DYRK3: variants seen among roughly 807,000 people sequenced by gnomAD.
DYRK3 encodes dual specificity tyrosine-phosphorylation-regulated kinase 3.
DYRK3 carries 30 observed loss-of-function variants against 40.8 expected under a neutral mutation model. The ratio of observed to expected loss-of-function variants is 0.74; its 90% CI spans 0.55 to 1.00. The LOEUF (loss-of-function observed/expected upper bound fraction) is 1.00. Among genes scored for constraint, DYRK3 ranks in the 50% least tolerant of loss-of-function variants. The pLI is 0.00. For missense variants in DYRK3, 699 were observed against 731.5 expected (o/e 0.96, Z 0.51); for synonymous variants, 272 against 260.7 (o/e 1.04, Z -0.42).
Position 206,650,166 on chromosome 1 carries a change from G to A in DYRK3, c.*1201G>A, listed in dbSNP as rs1451746914. On this transcript the variant is annotated 3_prime_UTR_variant, in exon 3 of 3. Coordinates refer to ENST00000367109, the MANE Select transcript of DYRK3 (RefSeq NM_003582.4). ...GTGTCCTACTTACAAGGGTGGAGAC[G>A]GGACAGAAGCTAACTCACTGCTACT... Among the ~76,000 whole-genome samples the A allele has an allele frequency of 2.0e-5, 3 of 152,206 alleles. No homozygotes were observed. The highest frequency in any genetic ancestry group is 2.1e-4 in the South Asian group (1 of 4,832).
chr1:206,652,637 G>A lies in DYRK3; in HGVS notation c.*3672G>A, dbSNP rs1201944510. Among the ~76,000 whole-genome samples the A allele has an allele frequency of 1.4e-4, 22 of 152,148 alleles. No individual in the cohort carries two copies. Among genetic ancestry groups the A allele is most frequent in the Admixed American group, 1.4e-3 (22 of 15,266 alleles). On this transcript the variant is annotated 3_prime_UTR_variant, in exon 3 of 3. Coordinates refer to ENST00000367109, the MANE Select transcript of DYRK3 (RefSeq NM_003582.4). ...GGCCAATTCAAGTTTGAGGAGAGTG[G>A]GCTGCTTAAAAACATGGTGCTCGTC...
chr1:206,638,133 GT>G (rs1165554221), intron 2 of DYRK3, among the ~76,000 whole-genome samples: 2 of 151,904 alleles, frequency 1.3e-5, no homozygotes, highest in Non-Finnish European at 2.9e-5. Context: ...ATCTGCAGGA[GT>G]TTTTTTTCCC....
In DYRK3 at chr1:206,655,125, T is replaced by C. The variant is rs781932265; in HGVS notation, c.*6160T>C. On this transcript the variant is annotated 3_prime_UTR_variant, in exon 3 of 3. Transcript: ENST00000367109. Reference sequence around the variant, plus strand: ...GTCAGTGGTTTTTTATTTTGGGGTGTTTTTTAAAAAATAAAAATGAATTGC... The same window carrying C: ...GTCAGTGGTTTTTTATTTTGGGGTGCTTTTTAAAAAATAAAAATGAATTGC... 5.9e-5 allele frequency among the ~76,000 whole-genome samples: 9 copies of C among 152,176 alleles called. No homozygotes were observed. The highest frequency in any genetic ancestry group is 1.3e-4 in the Admixed American group (2 of 15,276).
Position 206,652,561 on chromosome 1 carries a change from A to C in DYRK3, c.*3596A>C, listed in dbSNP as rs781817690. Among the ~76,000 whole-genome samples the C allele has an allele frequency of 3.3e-5, 5 of 152,238 alleles. No homozygotes were observed. The highest frequency in any genetic ancestry group is 7.3e-5 in the Non-Finnish European group (5 of 68,046). ...TGTTTCTGCCTCAATTTGGCAACCG[A>C]GAGAGTGATGCAGAGCAGAGTCATT... On this transcript the variant is annotated 3_prime_UTR_variant, in exon 3 of 3. Coordinates refer to ENST00000367109, the MANE Select transcript of DYRK3 (RefSeq NM_003582.4).
Position 206,652,253 on chromosome 1 carries a change from T to C in DYRK3, c.*3288T>C, listed in dbSNP as rs886128945. On this transcript the variant is annotated 3_prime_UTR_variant, in exon 3 of 3. Coordinates refer to ENST00000367109, the MANE Select transcript of DYRK3 (RefSeq NM_003582.4). ...GTTGAGGTTGTTTTGCCAGTTGTTA[T>C]CAGTGTTGAAGAACTGCTCCTGTAA... 1.3e-5 allele frequency among the ~76,000 whole-genome samples: 2 copies of C among 152,220 alleles called. No individual in the cohort carries two copies. The highest frequency in any genetic ancestry group is 1.9e-4 in the East Asian group (1 of 5,204).
In DYRK3 at chr1:206,647,399, G is replaced by A. The variant is rs1671485097; in HGVS notation, c.201G>A (p.Glu67=). The change falls in exon 3 of 3, where the codon GAG becomes GAA. Residue 67 remains glutamate (E), a synonymous_variant. Transcript: ENST00000367109. ...TTTCTCTTTCATAGATGACCACTGAGCAGTTTACAGGAGATCATACTCAGC... is the reference window on the plus strand; with the variant it reads ...TTTCTCTTTCATAGATGACCACTGAACAGTTTACAGGAGATCATACTCAGC... ...PPPRRLNMTT[E]QFTGDHTQHF... The A allele has an allele frequency of 6.3e-7, 1 of 1,599,856 alleles. No individual in the cohort carries two copies. Among genetic ancestry groups the A allele is most frequent in the East Asian group, 2.2e-5 (1 of 44,704 alleles).
rs1388491650 is a variant in DYRK3, at chr1:206,648,444, G to C, written c.1246G>C (p.Asp416His). 1 of 1,614,076 alleles carries C rather than the reference G, an allele frequency of 6.2e-7. No individual in the cohort carries two copies. Among genetic ancestry groups the C allele is most frequent in the East Asian group, 2.2e-5 (1 of 44,898 alleles). ...QPLFPGEDEG[D>H]QLACMMELLG... Reference sequence around the variant, plus strand: ...TCTCTTCCCTGGAGAGGATGAAGGAGACCAGTTGGCCTGCATGATGGAGCT... The same window carrying C: ...TCTCTTCCCTGGAGAGGATGAAGGACACCAGTTGGCCTGCATGATGGAGCT... The change falls in exon 3 of 3, where the codon GAC (aspartate) becomes CAC (histidine). Residue 416 changes from aspartate to histidine, a missense_variant. Physicochemically the swap from Asp to His is moderately conservative, Grantham distance 81. Transcript: ENST00000367109.
chr1:206,640,547 ATT>A (rs11301093), intron 2 of DYRK3, among the ~76,000 whole-genome samples: 3,632 of 126,346 alleles, frequency 0.029, 114 homozygotes, highest in African/African-American at 0.086. Context: ...TCTCAGCAAG[ATT>A]TTTTTTTTTT....
chr1:206,648,138 A>T lies in DYRK3; in HGVS notation c.940A>T (p.Lys314Ter), dbSNP rs1553420563. The stretch of plus-strand genomic sequence containing the variant: ...GGGTTTTAGCGTCCAGTTGGTACGC[A>T]AGTTTGCCCAGTCCATCTTGCAATC... Reference protein sequence around the residue: ...FQGFSVQLVRKFAQSILQSLD... With the variant: ...FQGFSVQLVR Residue 314 changes from lysine (K) to a stop codon, truncating the protein, a stop_gained, in exon 3 of 3, where the codon AAG becomes TAG. Transcript: ENST00000367109. LOFTEE classifies it high-confidence loss of function. The T allele has an allele frequency of 6.2e-7, 1 of 1,614,172 alleles. No homozygotes were observed. The highest frequency in any genetic ancestry group is 1.7e-5 in the Admixed American group (1 of 60,018).
rs1671640863 is a variant in DYRK3 at position 206,651,873 on chromosome 1, C to T, written c.*2908C>T. On this transcript the variant is annotated 3_prime_UTR_variant, in exon 3 of 3. Transcript: ENST00000367109. ...TTTACTATTTTGCATTTTATATCAA[C>T]ATTAGCAGCCTGTTCCCACTCAGGT... Among the ~76,000 whole-genome samples the T allele has an allele frequency of 6.6e-6, 1 of 152,244 alleles. No homozygotes were observed. The highest frequency in any genetic ancestry group is 1.5e-5 in the Non-Finnish European group (1 of 68,056).
At position 206,635,770 on chromosome 1, in the gene DYRK3, C is replaced by A; in HGVS notation, c.67C>A (p.Gln23Lys). The change falls in exon 1 of 3, where the codon CAG becomes AAG. Residue 23 changes from glutamine to lysine, a missense_variant. Physicochemically the swap from Gln to Lys is moderately conservative, Grantham distance 53. Coordinates refer to ENST00000367109, the MANE Select transcript of DYRK3 (RefSeq NM_003582.4). ...AGPPGAGLPP[Q>K]QRRLGDGVYD... is the part of the protein sequence containing the mutation. ...GCCGCCTGGGGCCGGGCTCCCGCCC[C>A]AGCAGCGGAGGTAACGGCGCCACGG... 8.0e-7 allele frequency: 1 copy of A among 1,244,872 alleles called. No homozygotes were observed. The allele number at this position is 1,244,872 out of a possible 1,614,324, so 77.1% of individuals were successfully genotyped here.
At position 206,654,467 on chromosome 1, in the gene DYRK3, A is replaced by G. The variant is rs1553421643; in HGVS notation, c.*5502A>G. 6.6e-6 allele frequency among the ~76,000 whole-genome samples: 1 copy of G among 152,236 alleles called. No individual in the cohort carries two copies. Among genetic ancestry groups the G allele is most frequent in the Non-Finnish European group, 1.5e-5 (1 of 68,046 alleles). On this transcript the variant is annotated 3_prime_UTR_variant, in exon 3 of 3. Transcript: ENST00000367109. Reference sequence around the variant, plus strand: ...GCCAGGGATTGGCAAATCAAAGAAGAGTTCTCTTCTGCCAGGGATTAGCCT... The same window carrying G: ...GCCAGGGATTGGCAAATCAAAGAAGGGTTCTCTTCTGCCAGGGATTAGCCT...
chr1:206,654,788 A>G lies in DYRK3; in HGVS notation c.*5823A>G, dbSNP rs1169665217. On this transcript the variant is annotated 3_prime_UTR_variant, in exon 3 of 3. Coordinates refer to ENST00000367109, the MANE Select transcript of DYRK3 (RefSeq NM_003582.4). ...CTACAAATGCATCGTCTAGACTTTG[A>G]AGAAGCAGGGTATGATTCTTAATAT... Among the ~76,000 whole-genome samples the G allele has an allele frequency of 1.3e-5, 2 of 152,222 alleles. No homozygotes were observed. The highest frequency in any genetic ancestry group is 4.8e-5 in the African/African-American group (2 of 41,456).
intron 2 of DYRK3, among the ~76,000 whole-genome samples, chr1:206,638,622 G>A (rs1553418783): frequency 6.6e-6 from 1 of 150,624 alleles, no homozygotes; most frequent in Admixed American, 6.6e-5. Flanking sequence ...CATTCCTTCA[G>A]CATGCATAGA....
At chr1:206,637,090 C>G (rs1671137527) in intron 1 of DYRK3, 1 of 730,782 alleles carries the variant, frequency 1.4e-6, no homozygotes. Context: ...AAAGAGAAGA[C>G]AGCCTTAAAA....
chr1:206,639,569 C>G (rs1442957007), intron 2 of DYRK3, among the ~76,000 whole-genome samples: 2 of 143,254 alleles, frequency 1.4e-5, no homozygotes, highest in Non-Finnish European at 3.0e-5. Context: ...TCAAGTGATT[C>G]TCCTGCTTCA....
At chr1:206,638,955 T>C (rs1217065203) in intron 2 of DYRK3, among the ~76,000 whole-genome samples, 2 of 149,350 alleles carry the variant, frequency 1.3e-5, no homozygotes, top group Non-Finnish European at 3.0e-5. Flanking sequence ...TGTCAGCTCA[T>C]TGCAACCTCC....
In DYRK3 at chr1:206,648,533, C is replaced by T; in HGVS notation, c.1335C>T (p.Ser445=). 2.5e-6 allele frequency: 4 copies of T among 1,614,140 alleles called. No homozygotes were observed. The highest frequency in any genetic ancestry group is 3.4e-6 in the Non-Finnish European group (4 of 1,180,018). ...AACGTGCCAAGTACTTTATTAATTCCAAGGGCATACCCCGCTACTGCTCTG... is the reference window on the plus strand; with the variant it reads ...AACGTGCCAAGTACTTTATTAATTCTAAGGGCATACCCCGCTACTGCTCTG... ...QSKRAKYFIN[S]KGIPRYCSVT... Residue 445 remains serine (S), a synonymous_variant, in exon 3 of 3, where the codon TCC becomes TCT. Transcript: ENST00000367109.
Position 206,649,247 on chromosome 1 carries a change from G to T in DYRK3, c.*282G>T, listed in dbSNP as rs1397374079. On this transcript the variant is annotated 3_prime_UTR_variant, in exon 3 of 3. Coordinates refer to ENST00000367109, the MANE Select transcript of DYRK3 (RefSeq NM_003582.4). Reference sequence around the variant, plus strand: ...TTTCAACTGATGTATTATACTATTGGTTTAAATCTCTTTCTCTCAAGATAG... The same window carrying T: ...TTTCAACTGATGTATTATACTATTGTTTTAAATCTCTTTCTCTCAAGATAG... The T allele has an allele frequency of 6.3e-6, 2 of 316,848 alleles. No individual in the cohort carries two copies. Among genetic ancestry groups the T allele is most frequent in the Admixed American group, 4.6e-5 (1 of 21,892 alleles). 19.6% of individuals were successfully genotyped at this position (316,848 alleles called of 1,614,324 possible).
Sources: allele counts gnomAD v4.1 joint callset (sites outside exome capture counted in the v4.1 genomes callset), GRCh38; gene constraint gnomAD v4.1.1; transcripts MANE v1.5; gene names NCBI Gene and HGNC (gene_info 2026-07-23, HGNC 2026-07-21).